Variants in INPP4B observed in about 807,000 individuals in gnomAD.
INPP4B encodes the protein inositol polyphosphate 4-phosphatase type II.
INPP4B carries 55 observed loss-of-function variants against 122.5 expected under a neutral mutation model. That is an observed-to-expected ratio of 0.45 (90% CI 0.36 to 0.56). The LOEUF is 0.56. Ranked by LOEUF, INPP4B falls within the 20% of genes least tolerant of loss-of-function variation. INPP4B has a pLI of 0.00. For missense variants in INPP4B, 1,000 were observed against 1,097.7 expected (o/e 0.91, Z 1.26); for synonymous variants, 403 against 388.7 (o/e 1.04, Z -0.43).
At chr4:142,493,716 C>T (rs1219128522) in intron 2 of INPP4B, among the ~76,000 whole-genome samples, 1 of 152,068 alleles carries the variant, frequency 6.6e-6, no homozygotes, top group Non-Finnish European at 1.5e-5. Context: ...TTTACAGGCT[C>T]AGGTGGAAGG....
intron 2 of INPP4B, among the ~76,000 whole-genome samples, chr4:142,537,421 TATATATATAG>T (rs1334660335): frequency 3.7e-3 from 195 of 52,852 alleles, no homozygotes; most frequent in Middle Eastern, 0.021. Context: ...TATATATATA[TATATATATAG>T]AGAGAGAGAG....
chr4:142,629,847 A>C (rs1222505149), intron 2 of INPP4B, among the ~76,000 whole-genome samples: 1 of 152,090 alleles, frequency 6.6e-6, no homozygotes, highest in Non-Finnish European at 1.5e-5. Context: ...CGAGGCTAGC[A>C]TCTGCTGCTG....
At chr4:142,509,862 C>T (rs1580244948) in intron 2 of INPP4B, among the ~76,000 whole-genome samples, 3 of 152,104 alleles carry the variant, frequency 2.0e-5, no homozygotes, top group African/African-American at 7.2e-5. Context: ...CACTGCTTAA[C>T]CCAGTATCTG....
chr4:142,709,912 C>A (rs1009892901), intron 2 of INPP4B, among the ~76,000 whole-genome samples: 3 of 152,176 alleles, frequency 2.0e-5, no homozygotes, highest in Non-Finnish European at 4.4e-5. Context: ...CATAGATTTA[C>A]AGCCCAGGAG....
intron 2 of INPP4B, among the ~76,000 whole-genome samples, chr4:142,589,766 G>A (rs752061103): frequency 6.6e-6 from 1 of 152,052 alleles, no homozygotes; most frequent in Non-Finnish European, 1.5e-5. Flanking sequence ...CAGCAATTGT[G>A]CTTCCAAATA....
intron 1 of INPP4B, among the ~76,000 whole-genome samples, chr4:142,779,959 A>C (rs1010577172): frequency 1.3e-5 from 2 of 152,148 alleles, no homozygotes; most frequent in Non-Finnish European, 2.9e-5. Flanking sequence ...CTAAACTTCA[A>C]GGCAGTTGAG....
chr4:142,222,046 G>A (rs552286492), intron 12 of INPP4B, among the ~76,000 whole-genome samples: 2 of 152,218 alleles, frequency 1.3e-5, no homozygotes, highest in East Asian at 3.9e-4. Flanking sequence ...TGCAACTTCT[G>A]CCTCCTGGGC....
At chr4:142,438,568 G>T (rs1268826502) in intron 3 of INPP4B, among the ~76,000 whole-genome samples, 1 of 152,088 alleles carries the variant, frequency 6.6e-6, no homozygotes, top group Non-Finnish European at 1.5e-5. Flanking sequence ...GGTTTAAAGA[G>T]TTAAATGTAA....
At chr4:142,243,395 G>T (rs1462541053) in intron 11 of INPP4B, among the ~76,000 whole-genome samples, 1 of 152,130 alleles carries the variant, frequency 6.6e-6, no homozygotes, top group African/African-American at 2.4e-5. Flanking sequence ...TCCTGTATTA[G>T]CACACAGTAA....
intron 7 of INPP4B, among the ~76,000 whole-genome samples, chr4:142,358,708 G>A (rs150515884): frequency 6.7e-6 from 1 of 148,636 alleles, no homozygotes; most frequent in African/African-American, 2.5e-5. Context: ...AAGGTTGAGA[G>A]CCATGTCGAG....
chr4:142,472,677 A>G (rs2149692675), intron 2 of INPP4B, among the ~76,000 whole-genome samples: 1 of 152,284 alleles, frequency 6.6e-6, no homozygotes, highest in South Asian at 2.1e-4. Context: ...TTGAGTCTGT[A>G]TCAATCTATG....
chr4:142,290,195 CTTTTTTTTTTTTTT>C (rs35260066), intron 9 of INPP4B, among the ~76,000 whole-genome samples: 22 of 77,502 alleles, frequency 2.8e-4, no homozygotes, highest in African/African-American at 1.2e-3. Context: ...TTCTTTCTTC[CTTTTTTTTTTTTTT>C]TTTTTTTTTT....
rs570051895 is a variant in INPP4B, at chr4:142,479,294, T to C, written c.-190-16568A>G. ...CATCTCACATGAGACAGAATTGCTA[T>C]TAAAATGTCAAAAAAATAACATGCT... On this transcript the variant is annotated intron_variant, in intron 2 of 25. Coordinates refer to ENST00000262992, the MANE Select transcript of INPP4B (RefSeq NM_001101669.3). 2.0e-5 allele frequency among the ~76,000 whole-genome samples: 3 copies of C among 152,188 alleles called. No homozygotes were observed. In the South Asian group the frequency reaches 6.2e-4, roughly 32 times the overall value.
intron 2 of INPP4B, among the ~76,000 whole-genome samples, chr4:142,523,467 A>C (rs1216242775): frequency 1.3e-5 from 2 of 151,930 alleles, no homozygotes; most frequent in Non-Finnish European, 2.9e-5. Flanking sequence ...TATAGGTTTT[A>C]TTTTGCTGAA....
At chr4:142,703,428 GA>G (rs745778742) in intron 2 of INPP4B, among the ~76,000 whole-genome samples, 9 of 152,298 alleles carry the variant, frequency 5.9e-5, no homozygotes, top group South Asian at 2.1e-4. Context: ...GGAACATTAT[GA>G]GGGGCAGAGA....
At chr4:142,073,251 T>C (rs2152493812) in intron 25 of INPP4B, among the ~76,000 whole-genome samples, 1 of 152,324 alleles carries the variant, frequency 6.6e-6, no homozygotes, top group Middle Eastern at 3.4e-3. Flanking sequence ...AGTGTAATTA[T>C]GCATAATGCA....
chr4:142,112,489 G>C (rs542782645), intron 22 of INPP4B, 53 bp downstream of exon 22: 1 of 1,593,930 alleles, frequency 6.3e-7, no homozygotes, highest in East Asian at 2.2e-5. Flanking sequence ...CTCATCATAT[G>C]CTTAAAAGGA....
In INPP4B at chr4:142,403,056, T is replaced by G. The variant is rs1335490558; in HGVS notation, c.256-2A>C. On this transcript the variant is annotated splice_acceptor_variant, in intron 6 of 25. Transcript: ENST00000262992. LOFTEE classifies it high-confidence loss of function. ...CAAAAACAGTGGGTCCCTTGTTCCC[T>G]GTAACAGCACAAGCAGACAACTTTG... is the stretch of plus-strand genomic sequence containing the variant. 1 of 1,539,934 alleles carries G rather than the reference T, an allele frequency of 6.5e-7. No homozygotes were observed. The highest frequency in any genetic ancestry group is 9.0e-7 in the Non-Finnish European group (1 of 1,112,586).
chr4:142,356,311 C>A (rs1023685710), intron 7 of INPP4B, among the ~76,000 whole-genome samples: 2 of 148,902 alleles, frequency 1.3e-5, no homozygotes, highest in East Asian at 4.0e-4. Context: ...AAGGGTAATT[C>A]AACTGTGTAA....
Sources: allele counts gnomAD v4.1 joint callset (sites outside exome capture counted in the v4.1 genomes callset), GRCh38; gene constraint gnomAD v4.1.1; transcripts MANE v1.5; gene names NCBI Gene and HGNC (gene_info 2026-07-23, HGNC 2026-07-21).